The following NLGN1 variants were observed in gnomAD, a reference collection of about 807,000 sequenced individuals.
NLGN1 encodes neuroligin 1.
A neutral mutation model predicts 65.5 loss-of-function variants in NLGN1; 12 were observed. The observed-to-expected ratio is 0.18, with a 90% CI of 0.12 to 0.30. The LOEUF (loss-of-function observed/expected upper bound fraction) is 0.30, where lower values mean the gene tolerates loss of function less well. Ranked by LOEUF, NLGN1 falls within the 10% of genes least tolerant of loss-of-function variation. The pLI, the probability that NLGN1 is intolerant of heterozygous loss-of-function variation, is 1.00. For synonymous variants in NLGN1, 350 were observed against 359.5 expected (o/e 0.97, Z 0.30); for missense variants, 750 against 1,007.1 (o/e 0.74, Z 3.46).
At chr3:173,943,201 T>TG (rs1746467021) in intron 4 of NLGN1, among the ~76,000 whole-genome samples, 1 of 150,840 alleles carries the variant, frequency 6.6e-6, no homozygotes, top group African/African-American at 2.5e-5. Context: ...CACTCCAGCC[T>TG]GGGGGACAGA....
chr3:174,151,624 A>G (rs1309153157), intron 4 of NLGN1, among the ~76,000 whole-genome samples: 1 of 152,182 alleles, frequency 6.6e-6, no homozygotes, highest in Non-Finnish European at 1.5e-5. Flanking sequence ...AAACCTTTAC[A>G]TAGCCTTCTG....
At position 174,197,518 on chromosome 3, in the gene NLGN1, C is replaced by CAAAAAAAAAAAA. The variant is rs10663769; in HGVS notation, c.647-77789_647-77778dup. Reference sequence around the variant, plus strand: ...TTTCTTGAGCTACGGTACTTAACCTCAAAAAAAAAAAAAAAAAAAGGAGAA... The same window carrying CAAAAAAAAAAAA: ...TTTCTTGAGCTACGGTACTTAACCTCAAAAAAAAAAAAAAAAAAAAAAAAAAAAAAAGGAGAA... On this transcript the variant is annotated intron_variant, in intron 4 of 6. Transcript: ENST00000457714. 4.2e-3 allele frequency among the ~76,000 whole-genome samples: 418 copies of CAAAAAAAAAAAA among 100,060 alleles called. 3 individuals are homozygous for CAAAAAAAAAAAA. The highest frequency in any genetic ancestry group is 6.0e-3 in the African/African-American group (143 of 23,884). 65.6% of individuals were successfully genotyped at this position (100,060 alleles called of 152,430 possible).
chr3:173,438,363 A>T (rs186520023), intron 2 of NLGN1, among the ~76,000 whole-genome samples: 1 of 152,170 alleles, frequency 6.6e-6, no homozygotes, highest in African/African-American at 2.4e-5. Flanking sequence ...AATGAGCCTT[A>T]TACATATCGT....
intron 2 of NLGN1, among the ~76,000 whole-genome samples, chr3:173,459,534 A>G (rs1368562636): frequency 6.6e-6 from 1 of 152,110 alleles, no homozygotes; most frequent in Non-Finnish European, 1.5e-5. Context: ...GAGATTGACA[A>G]ATAGTTGGCT....
intron 3 of NLGN1, among the ~76,000 whole-genome samples, chr3:173,681,650 A>G (rs1476700994): frequency 6.6e-6 from 1 of 152,130 alleles, no homozygotes; most frequent in East Asian, 1.9e-4. Flanking sequence ...CTGATTAAGC[A>G]CTTGGGCTCT....
At chr3:174,065,521 T>C (rs1738333297) in intron 4 of NLGN1, among the ~76,000 whole-genome samples, 1 of 152,186 alleles carries the variant, frequency 6.6e-6, no homozygotes, top group South Asian at 2.1e-4. Flanking sequence ...TTAAACATTT[T>C]AAGACATTGA....
chr3:174,054,748 A>C (rs1197212432), intron 4 of NLGN1, among the ~76,000 whole-genome samples: 1 of 152,060 alleles, frequency 6.6e-6, no homozygotes, highest in Admixed American at 6.6e-5. Flanking sequence ...CTGATACTCT[A>C]ATGTTGTAAC....
rs150659769 is a variant in NLGN1, at chr3:174,027,878, T to C, written c.646+220046T>C. On this transcript the variant is annotated intron_variant, in intron 4 of 6. Transcript: ENST00000457714. ...GTCCCCACTTAAGTCTCACCTTGAA[T>C]TGTGATAATCTCCATGTGTCAAGGG... Among the ~76,000 whole-genome samples, 241 of 152,246 alleles carry C rather than the reference T, an allele frequency of 1.6e-3. 2 individuals carry two copies. Among genetic ancestry groups the C allele is most frequent in the African/African-American group, 5.5e-3 (230 of 41,548 alleles).
intron 4 of NLGN1, among the ~76,000 whole-genome samples, chr3:174,133,768 T>C (rs535705086): frequency 6.6e-6 from 1 of 152,210 alleles, no homozygotes; most frequent in Admixed American, 6.5e-5. Context: ...GGAAGTCCCA[T>C]AAGATAAAAC....
chr3:173,435,785 A>C (rs896483439), intron 2 of NLGN1, among the ~76,000 whole-genome samples: 3 of 152,304 alleles, frequency 2.0e-5, no homozygotes, highest in Admixed American at 6.5e-5. Flanking sequence ...CAGTGAGCTG[A>C]GATCATGCCA....
intron 1 of NLGN1, among the ~76,000 whole-genome samples, chr3:173,428,098 G>T (rs1029104232): frequency 4.0e-4 from 61 of 151,802 alleles, no homozygotes; most frequent in African/African-American, 1.4e-3. Flanking sequence ...TGGACTTGAA[G>T]TCTATTTTAT....
intron 1 of NLGN1, among the ~76,000 whole-genome samples, chr3:173,425,799 T>G (rs547343108): frequency 6.6e-6 from 1 of 152,194 alleles, no homozygotes; most frequent in East Asian, 1.9e-4. Flanking sequence ...TGCTCAGGAC[T>G]ACTTTGACTA....
At chr3:173,700,997 C>T (rs1266484559) in intron 3 of NLGN1, among the ~76,000 whole-genome samples, 2 of 151,966 alleles carry the variant, frequency 1.3e-5, no homozygotes, top group African/African-American at 2.4e-5. Context: ...TGGTGGCGGG[C>T]GCCTGTAGTC....
intron 4 of NLGN1, among the ~76,000 whole-genome samples, chr3:173,946,475 T>A (rs953655630): frequency 6.6e-6 from 1 of 152,242 alleles, no homozygotes; most frequent in Non-Finnish European, 1.5e-5. Context: ...AATATCACTC[T>A]AGCATGAGGC....
In NLGN1 at chr3:173,889,986, A is replaced by AGG. The variant is rs200736521; in HGVS notation, c.646+82156_646+82157dup. 7.5e-3 allele frequency among the ~76,000 whole-genome samples: 1,119 copies of AGG among 150,038 alleles called. 20 individuals carry two copies. Among genetic ancestry groups the AGG allele is most frequent in the African/African-American group, 0.026 (1,062 of 40,082 alleles). On this transcript the variant is annotated intron_variant, in intron 4 of 6. Transcript: ENST00000457714. The stretch of plus-strand genomic sequence containing the variant: ...GGGCCTTCTCTTTTGTGTATGTATG[A>AGG]GGGTGTGTGTGTGTGTGTGTGTGTG...
intron 4 of NLGN1, among the ~76,000 whole-genome samples, chr3:174,022,887 C>G (rs947740024): frequency 6.6e-6 from 1 of 152,062 alleles, no homozygotes; most frequent in African/African-American, 2.4e-5. Context: ...TCTTTTAGAG[C>G]TGGGTGTTGC....
At chr3:173,477,368 T>C (rs1479888317) in intron 2 of NLGN1, among the ~76,000 whole-genome samples, 1 of 151,988 alleles carries the variant, frequency 6.6e-6, no homozygotes, top group African/African-American at 2.4e-5. Context: ...TAGTGAGACC[T>C]TGTCTCTATG....
At chr3:173,855,401 G>A (rs917869271) in intron 4 of NLGN1, among the ~76,000 whole-genome samples, 1 of 151,598 alleles carries the variant, frequency 6.6e-6, no homozygotes, top group African/African-American at 2.4e-5. Flanking sequence ...TATCTATTTT[G>A]GTCAATTAAC....
intron 4 of NLGN1, among the ~76,000 whole-genome samples, chr3:173,972,572 G>C (rs1475309848): frequency 6.6e-6 from 1 of 152,080 alleles, no homozygotes; most frequent in Non-Finnish European, 1.5e-5. Flanking sequence ...GGAAGAGAAA[G>C]AGATAAAAAT....
Sources: gnomAD v4.1 joint callset for allele counts (sites outside exome capture counted in the v4.1 genomes callset) on GRCh38, gnomAD v4.1.1 for gene constraint, MANE v1.5 for transcripts, NCBI Gene and HGNC (gene_info 2026-07-23, HGNC 2026-07-21) for gene names.